MANBAL: variants seen among roughly 807,000 people sequenced by gnomAD.
MANBAL encodes the protein protein MANBAL.
A neutral mutation model predicts 6.4 loss-of-function variants in MANBAL; 1 was observed. That is an observed-to-expected ratio of 0.16 (90% CI 0.06 to 0.74). The LOEUF (loss-of-function observed/expected upper bound fraction) is 0.74, where lower values mean the gene tolerates loss of function less well. Ranked by LOEUF, MANBAL falls within the 30% of genes least tolerant of loss-of-function variation. The pLI, the probability that MANBAL is intolerant of heterozygous loss-of-function variation, is 0.78. For missense variants in MANBAL, 100 were observed against 107.8 expected, an observed-to-expected ratio of 0.93 and a Z score of 0.32; for synonymous variants, 47 against 45.8, an observed-to-expected ratio of 1.03 and a Z score of -0.10.
In MANBAL at chr20:37,294,549, C is replaced by T. The variant is rs989975614; in HGVS notation, c.-57+4863C>T. The stretch of plus-strand genomic sequence containing the variant: ...CCTGCAGCTTGCTTACTTGACTGTT[C>T]TTGATCATGATGCTTATTCCTGCCT... On this transcript the variant is annotated intron_variant, in intron 1 of 2. Transcript: ENST00000373606. Among the ~76,000 whole-genome samples, 7 of 152,254 alleles carry T rather than the reference C, an allele frequency of 4.6e-5. No individual in the cohort carries two copies. The South Asian group carries it at 1.4e-3, about 31-fold the overall frequency.
chr20:37,309,068 A>G (rs1388690638), intron 2 of MANBAL, among the ~76,000 whole-genome samples: 1 of 152,166 alleles, frequency 6.6e-6, no homozygotes, highest in Admixed American at 6.5e-5. Flanking sequence ...GCTTCCCCGA[A>G]TGGAAACAGT....
intron 2 of MANBAL, among the ~76,000 whole-genome samples, chr20:37,310,470 C>T (rs540687230): frequency 5.3e-5 from 8 of 152,276 alleles, no homozygotes; most frequent in East Asian, 1.9e-4. Flanking sequence ...ATAAGGTGCA[C>T]GAAGATGCCT....
rs529113499 is a variant in MANBAL, at chr20:37,309,937, G to A, written c.151-6371G>A. On this transcript the variant is annotated intron_variant, in intron 2 of 2. Transcript: ENST00000373606. ...AGGTTGCAGTTGAATTGAGAGGCAGGCTGTTTTTTACTTAATGACCCGTTC... is the reference window on the plus strand; with the variant it reads ...AGGTTGCAGTTGAATTGAGAGGCAGACTGTTTTTTACTTAATGACCCGTTC... Among the ~76,000 whole-genome samples, 58 of 152,234 alleles carry A rather than the reference G, an allele frequency of 3.8e-4. 1 individual carries two copies. Among genetic ancestry groups the A allele is most frequent in the African/African-American group, 1.4e-3 (57 of 41,530 alleles).
At chr20:37,298,247 A>G (rs141497072) in intron 1 of MANBAL, among the ~76,000 whole-genome samples, 1 of 152,312 alleles carries the variant, frequency 6.6e-6, no homozygotes, top group African/African-American at 2.4e-5. Flanking sequence ...GTGACAAAAT[A>G]TATGTAACAA....
chr20:37,301,935 A>G (rs1250046494), intron 2 of MANBAL, among the ~76,000 whole-genome samples: 6 of 152,218 alleles, frequency 3.9e-5, no homozygotes, highest in Admixed American at 2.0e-4. Context: ...GGAAGGGGCT[A>G]ATTCAAGGAA....
chr20:37,295,475 C>T lies in MANBAL; in HGVS notation c.-56-5733C>T, dbSNP rs561761934. On this transcript the variant is annotated intron_variant, in intron 1 of 2. Coordinates refer to ENST00000373606, the MANE Select transcript of MANBAL (RefSeq NM_001003897.2). ...CTTTGATATTTTCTATTGTTATTTA[C>T]CTACTTAAATAAAGTGCTGGCTAAT... Among the ~76,000 whole-genome samples the T allele has an allele frequency of 2.6e-4, 40 of 152,268 alleles. 1 individual carries two copies. Among genetic ancestry groups the T allele is most frequent in the African/African-American group, 8.4e-4 (35 of 41,542 alleles).
intron 2 of MANBAL, among the ~76,000 whole-genome samples, chr20:37,315,792 C>A (rs1268250246): frequency 1.3e-5 from 2 of 152,212 alleles, no homozygotes; most frequent in African/African-American, 4.8e-5. Context: ...AATGGGAGGA[C>A]AAGAATGGCA....
chr20:37,291,940 T>G (rs2068880951), intron 1 of MANBAL, among the ~76,000 whole-genome samples: 1 of 152,242 alleles, frequency 6.6e-6, no homozygotes, highest in Admixed American at 6.5e-5. Flanking sequence ...CGGGTATTTC[T>G]TCAAAGTGGT....
chr20:37,301,610 T>G (rs1356445999), intron 2 of MANBAL, among the ~76,000 whole-genome samples, 197 bp downstream of exon 2: 1 of 152,230 alleles, frequency 6.6e-6, no homozygotes, highest in African/African-American at 2.4e-5. Context: ...TAAGGAGATT[T>G]TTATTTAGTG....
chr20:37,301,292 C>T lies in MANBAL; in HGVS notation c.29C>T (p.Pro10Leu), dbSNP rs755003934. MASDLDFSPPEVPEPTFLEN... is the reference protein window; with the variant it reads MASDLDFSPLEVPEPTFLEN... The stretch of plus-strand genomic sequence containing the variant: ...GCCTCTGACCTAGACTTCTCACCTC[C>T]GGAGGTGCCCGAGCCCACTTTCCTG... Residue 10 changes from proline to leucine, a missense_variant, in exon 2 of 3, where the codon CCG (proline) becomes CTG (leucine). Coordinates refer to ENST00000373606, the MANE Select transcript of MANBAL (RefSeq NM_001003897.2). 1.2e-5 allele frequency: 20 copies of T among 1,610,582 alleles called. No homozygotes were observed. Among genetic ancestry groups the T allele is most frequent in the African/African-American group, 5.3e-5 (4 of 74,842 alleles).
chr20:37,290,593 G>C lies in MANBAL; in HGVS notation c.-57+907G>C, dbSNP rs564675290. The stretch of plus-strand genomic sequence containing the variant: ...CCTGCCTCAGCTTTCCGAATAGCTG[G>C]GATTACAGACGTGTGCCACCACGCC... On this transcript the variant is annotated intron_variant, in intron 1 of 2. Transcript: ENST00000373606. 3.9e-4 allele frequency among the ~76,000 whole-genome samples: 60 copies of C among 152,124 alleles called. 1 individual carries two copies. The highest frequency in any genetic ancestry group is 1.4e-3 in the African/African-American group (57 of 41,490).
Position 37,302,336 on chromosome 20 carries a change from C to G in MANBAL, c.150+923C>G, listed in dbSNP as rs1743579637. Reference sequence around the variant, plus strand: ...GTCAGGTTATTGGGTACGAATACCTCAGAGCTGGTGCTATGTACTCCCTAC... The same window carrying G: ...GTCAGGTTATTGGGTACGAATACCTGAGAGCTGGTGCTATGTACTCCCTAC... On this transcript the variant is annotated intron_variant, in intron 2 of 2. Coordinates refer to ENST00000373606, the MANE Select transcript of MANBAL (RefSeq NM_001003897.2). 9.7e-6 allele frequency: 15 copies of G among 1,550,544 alleles called. 1 individual carries two copies. The highest frequency in any genetic ancestry group is 1.2e-5 in the Non-Finnish European group (14 of 1,146,968).
intron 2 of MANBAL, among the ~76,000 whole-genome samples, chr20:37,305,969 G>C (rs547050680): frequency 2.6e-5 from 4 of 152,158 alleles, no homozygotes; most frequent in African/African-American, 9.7e-5. Context: ...TTTGGAAGGA[G>C]TTTGGAGGGG....
In MANBAL at chr20:37,302,268, T is replaced by C. The variant is rs781686127; in HGVS notation, c.150+855T>C. The stretch of plus-strand genomic sequence containing the variant: ...AACGTGTTTCTCTGTTCCCTGTGTT[T>C]CCTGTCAACAGGAGTTCCATGTAGA... On this transcript the variant is annotated intron_variant, in intron 2 of 2. Transcript: ENST00000373606. The C allele has an allele frequency of 3.9e-6, 6 of 1,550,640 alleles. No homozygotes were observed. In the South Asian group the frequency reaches 4.8e-5, roughly 12 times the overall value.
intron 1 of MANBAL, among the ~76,000 whole-genome samples, chr20:37,291,322 A>G (rs2068863961): frequency 6.6e-6 from 1 of 152,214 alleles, no homozygotes; most frequent in South Asian, 2.1e-4. Flanking sequence ...ATACATTATT[A>G]TTAACTCTAA....
chr20:37,305,752 C>T lies in MANBAL; in HGVS notation c.150+4339C>T, dbSNP rs2069244880. On this transcript the variant is annotated intron_variant, in intron 2 of 2. Transcript: ENST00000373606. ...ACAGTACTGTTGATCTAACTTTTTA[C>T]TGGCGCATCAGGGGAGCAAATGGCC... is the stretch of plus-strand genomic sequence containing the variant. Among the ~76,000 whole-genome samples the T allele has an allele frequency of 2.0e-5, 3 of 148,066 alleles. No individual in the cohort carries two copies. In the South Asian group the frequency reaches 6.4e-4, roughly 32 times the overall value.
At chr20:37,312,771 G>A (rs1038172522) in intron 2 of MANBAL, among the ~76,000 whole-genome samples, 3 of 152,136 alleles carry the variant, frequency 2.0e-5, no homozygotes, top group Admixed American at 6.5e-5. Flanking sequence ...TCAACCTCTC[G>A]AGTAGCTGGG....
chr20:37,293,542 T>C (rs2068920901), intron 1 of MANBAL, among the ~76,000 whole-genome samples: 1 of 152,282 alleles, frequency 6.6e-6, no homozygotes, highest in African/African-American at 2.4e-5. Flanking sequence ...CCTCCTGCTG[T>C]GCGGCCTGGT....
At chr20:37,293,831 C>T (rs895965335) in intron 1 of MANBAL, among the ~76,000 whole-genome samples, 4 of 152,234 alleles carry the variant, frequency 2.6e-5, no homozygotes, top group Admixed American at 6.5e-5. Context: ...CACTCGTTTT[C>T]AAAGTTACTT....
Sources: allele counts gnomAD v4.1 joint callset (sites outside exome capture counted in the v4.1 genomes callset), GRCh38; gene constraint gnomAD v4.1.1; transcripts MANE v1.5; gene names NCBI Gene and HGNC (gene_info 2026-07-23, HGNC 2026-07-21).